The following ZDHHC2 variants were observed in gnomAD, a reference collection of about 807,000 sequenced individuals.
ZDHHC2 encodes the protein zDHHC palmitoyltransferase 2.
A neutral mutation model predicts 55.6 loss-of-function variants in ZDHHC2; 51 were observed. That is an observed-to-expected ratio of 0.92 (90% CI 0.73 to 1.16). ZDHHC2 has a LOEUF of 1.16. Ranked by LOEUF, ZDHHC2 falls within the 50% of genes most tolerant of loss-of-function variation. The pLI is 0.00. For synonymous variants in ZDHHC2, 199 were observed against 152.9 expected (o/e 1.30, Z -2.22); for missense variants, 491 against 442.4 (o/e 1.11, Z -0.99).
rs76231498 is a variant in ZDHHC2 at position 17,174,484 on chromosome 8, T to C, written c.131-10305T>C. Reference sequence around the variant, plus strand: ...AGTCTACTGTGCTGGAAGGGAGATATGTTTGGATGTTGCACTCAGTAGGCT... The same window carrying C: ...AGTCTACTGTGCTGGAAGGGAGATACGTTTGGATGTTGCACTCAGTAGGCT... On this transcript the variant is annotated intron_variant, in intron 1 of 12. Transcript: ENST00000262096. Among the ~76,000 whole-genome samples, 736 of 152,192 alleles carry C rather than the reference T, an allele frequency of 4.8e-3. 1 individual carries two copies. The highest frequency in any genetic ancestry group is 7.9e-3 in the Non-Finnish European group (536 of 68,002).
At position 17,221,944 on chromosome 8, in the gene ZDHHC2, CACAGGATGT is replaced by C. The variant is rs1198970039; in HGVS notation, c.*1725_*1733del. On this transcript the variant is annotated 3_prime_UTR_variant, in exon 13 of 13. Transcript: ENST00000262096. ...GAAGTCTTAAAAAAACCAACAGCAG[CACAGGATGT>C]ATTAAGAATTATATGAAGTCAGGTT... is the stretch of plus-strand genomic sequence containing the variant. The C allele has an allele frequency of 2.7e-5, 4 of 146,798 alleles. No homozygotes were observed. The highest frequency in any genetic ancestry group is 1.0e-4 in the African/African-American group (4 of 39,002). 9.1% of individuals were successfully genotyped at this position (146,798 alleles called of 1,614,324 possible).
chr8:17,218,313 A>G (rs574696672), intron 12 of ZDHHC2, among the ~76,000 whole-genome samples: 28 of 152,344 alleles, frequency 1.8e-4, no homozygotes, highest in African/African-American at 6.3e-4. Context: ...GAGTATAGCT[A>G]TAGCAAATAT....
chr8:17,214,089 C>G (rs376504141), intron 10 of ZDHHC2, among the ~76,000 whole-genome samples: 1 of 152,032 alleles, frequency 6.6e-6, no homozygotes, highest in African/African-American at 2.4e-5. Context: ...AGTTTTAAGT[C>G]GTTTTTTTCT....
intron 9 of ZDHHC2, 21 bp downstream of exon 9, chr8:17,210,079 T>G: frequency 5.7e-6 from 9 of 1,576,026 alleles, no homozygotes; most frequent in Non-Finnish European, 7.8e-6. Context: ...GTTAAAATTT[T>G]CAGGCTTTAA....
At chr8:17,191,763 A>G (rs748841905) in intron 3 of ZDHHC2, among the ~76,000 whole-genome samples, 1 of 152,198 alleles carries the variant, frequency 6.6e-6, no homozygotes, top group Non-Finnish European at 1.5e-5. Context: ...TATTGTGAGT[A>G]GTGCTGCAAT....
chr8:17,176,258 A>G (rs2150895263), intron 1 of ZDHHC2, among the ~76,000 whole-genome samples: 1 of 152,320 alleles, frequency 6.6e-6, no homozygotes, highest in South Asian at 2.1e-4. Context: ...GAATATCAGG[A>G]CTGGCTTGTA....
rs1288770302 is a variant in ZDHHC2 at position 17,199,630 on chromosome 8, T to G, written c.476+1217T>G. 2.2e-4 allele frequency among the ~76,000 whole-genome samples: 22 copies of G among 100,342 alleles called. 1 individual carries two copies. Among genetic ancestry groups the G allele is most frequent in the South Asian group, 9.5e-4 (3 of 3,156 alleles). 65.8% of individuals were successfully genotyped at this position (100,342 alleles called of 152,430 possible). ...CTTTCTTCTTCTTCTTCTTCCTTTC[T>G]TCTTCTTCTCCTCCTCCTCCTCCCT... On this transcript the variant is annotated intron_variant, in intron 6 of 12. Transcript: ENST00000262096.
chr8:17,201,481 C>CTCTTTTTTTTT (rs1554466758), intron 6 of ZDHHC2, among the ~76,000 whole-genome samples: 1 of 24,310 alleles, frequency 4.1e-5, no homozygotes, highest in East Asian at 1.2e-3. Context: ...CTCTCTCTCT[C>CTCTTTTTTTTT]TTTTTTTTTT....
intron 1 of ZDHHC2, among the ~76,000 whole-genome samples, chr8:17,170,599 G>A (rs891501044): frequency 6.6e-6 from 1 of 152,142 alleles, no homozygotes; most frequent in African/African-American, 2.4e-5. Context: ...GTTTTAGAAC[G>A]TTGCCTGTTT....
rs567986978 is a variant in ZDHHC2, at chr8:17,195,559, C to G, written c.308C>G (p.Ala103Gly). 10 of 1,613,884 alleles carry G rather than the reference C, an allele frequency of 6.2e-6. No individual in the cohort carries two copies. In the East Asian group the frequency reaches 2.0e-4, roughly 32 times the overall value. ...TTGGAGAGAGAGCCAAGAGGAGAAGCCCATCAGGAAGTTCTTAGGCGAGCA... is the reference window on the plus strand; with the variant it reads ...TTGGAGAGAGAGCCAAGAGGAGAAGGCCATCAGGAAGTTCTTAGGCGAGCA... ...DLLEREPRGE[A>G]HQEVLRRAAK... The change falls in exon 4 of 13, where the codon GCC becomes GGC. Residue 103 changes from alanine (A) to glycine (G), a missense_variant. Ala to Gly is a moderately conservative substitution (Grantham distance 60, BLOSUM62 0). Transcript: ENST00000262096.
At chr8:17,193,816 C>T (rs564478379) in intron 3 of ZDHHC2, among the ~76,000 whole-genome samples, 22 of 152,070 alleles carry the variant, frequency 1.4e-4, no homozygotes, top group East Asian at 1.3e-3. Flanking sequence ...ATGTCCAGAA[C>T]GTGGAGGTTT....
intron 10 of ZDHHC2, among the ~76,000 whole-genome samples, chr8:17,214,287 C>G (rs1394031099): frequency 6.6e-6 from 1 of 152,178 alleles, no homozygotes; most frequent in African/African-American, 2.4e-5. Context: ...ATTCCCCAGA[C>G]TGAACATTGG....
Position 17,186,426 on chromosome 8 carries a change from G to T in ZDHHC2, c.252+1G>T. ...ATTACCAATGAATCCTTCAAAAGAA[G>T]TAAGTTAAAATATTAACGAAATTAT... On this transcript the variant is annotated splice_donor_variant, in intron 3 of 12. Coordinates refer to ENST00000262096, the MANE Select transcript of ZDHHC2 (RefSeq NM_016353.5). LOFTEE classifies it high-confidence loss of function. 1 of 1,512,436 alleles carries T rather than the reference G, an allele frequency of 6.6e-7. No homozygotes were observed. Among genetic ancestry groups the T allele is most frequent in the South Asian group, 1.3e-5 (1 of 78,326 alleles). 93.7% of individuals were successfully genotyped at this position (1,512,436 alleles called of 1,614,324 possible). A position where few individuals can be genotyped will look rare whatever the true frequency, so the allele number is the denominator to read the frequency against.
chr8:17,205,385 A>G (rs1020465987), intron 6 of ZDHHC2, among the ~76,000 whole-genome samples: 1 of 152,214 alleles, frequency 6.6e-6, no homozygotes, highest in Non-Finnish European at 1.5e-5. Context: ...GCTTTGAGGG[A>G]TGTGCATACT....
chr8:17,222,106 C>CTAG lies in ZDHHC2; in HGVS notation c.*1886_*1887insAGT, dbSNP rs1423979314. ...AAAAGAGGGATTTTTATCCTTTACT[C>CTAG]TTCTAGAGTACTGTTAATGCCCCTT... On this transcript the variant is annotated 3_prime_UTR_variant, in exon 13 of 13. Transcript: ENST00000262096. 18 of 148,284 alleles carry CTAG rather than the reference C, an allele frequency of 1.2e-4. No homozygotes were observed. The South Asian group carries it at 3.9e-3, about 32-fold the overall frequency. 9.2% of individuals were successfully genotyped at this position (148,284 alleles called of 1,614,324 possible). A position where few individuals can be genotyped will look rare whatever the true frequency, so the allele number is the denominator to read the frequency against.
At chr8:17,205,830 G>T in intron 7 of ZDHHC2, 55 bp downstream of exon 7, 1 of 1,482,574 alleles carries the variant, frequency 6.7e-7, no homozygotes, top group Admixed American at 2.4e-5. Flanking sequence ...GATAATATAG[G>T]CTTTTCAGAA....
chr8:17,199,700 TCTTC>T (rs1806636738), intron 6 of ZDHHC2, among the ~76,000 whole-genome samples: 2 of 147,844 alleles, frequency 1.4e-5, no homozygotes, highest in African/African-American at 4.9e-5. Context: ...TCTTTCTCCT[TCTTC>T]CTTCTTTCTT....
At chr8:17,203,226 A>G (rs186510590) in intron 6 of ZDHHC2, among the ~76,000 whole-genome samples, 38 of 151,470 alleles carry the variant, frequency 2.5e-4, no homozygotes, top group African/African-American at 8.5e-4. Flanking sequence ...TGCCAAGATA[A>G]TTTTTGTATT....
chr8:17,193,723 G>A (rs1377804946), intron 3 of ZDHHC2, among the ~76,000 whole-genome samples: 2 of 152,194 alleles, frequency 1.3e-5, no homozygotes, highest in Non-Finnish European at 2.9e-5. Context: ...TATTCAGAGT[G>A]TACCTGTTCC....
Sources: gnomAD v4.1 joint callset for allele counts (sites outside exome capture counted in the v4.1 genomes callset) on GRCh38, gnomAD v4.1.1 for gene constraint, MANE v1.5 for transcripts, NCBI Gene and HGNC (gene_info 2026-07-23, HGNC 2026-07-21) for gene names.